The following OTUD7A variants were observed in gnomAD, a reference collection of about 807,000 sequenced individuals.
OTUD7A encodes the protein OTU deubiquitinase 7A, also known as OTU domain-containing protein 7A.
Under a neutral mutation model 65.7 loss-of-function variants are expected in OTUD7A, and 12 were observed. That is an observed-to-expected ratio of 0.18 (90% CI 0.12 to 0.30). The LOEUF (loss-of-function observed/expected upper bound fraction) is 0.30, where lower values mean the gene tolerates loss of function less well. OTUD7A is among the 10% of genes least tolerant of loss of function. The probability of loss-of-function intolerance (pLI) is 1.00; values close to 1 mark genes in which losing one functional copy is unlikely to be tolerated. For missense variants in OTUD7A, 1,148 were observed against 1,304.8 expected, an observed-to-expected ratio of 0.88 and a Z score of 1.85; for synonymous variants, 641 against 586.3, an observed-to-expected ratio of 1.09 and a Z score of -1.35.
rs552306491 is a variant in OTUD7A at position 31,623,652 on chromosome 15, G to C, written c.151+31444C>G. Among the ~76,000 whole-genome samples, 3 of 152,334 alleles carry C rather than the reference G, an allele frequency of 2.0e-5. No homozygotes were observed. The East Asian group carries it at 5.8e-4, about 29-fold the overall frequency. On this transcript the variant is annotated intron_variant, in intron 3 of 12. Coordinates refer to ENST00000307050, the MANE Select transcript of OTUD7A (RefSeq NM_001382637.1). ...GGGTGGGAGTGACCTGATTTTCCAG[G>C]TGCCATCTGTGACAGCTTTGCTTGT...
intron 3 of OTUD7A, among the ~76,000 whole-genome samples, chr15:31,604,752 A>C (rs547336472): frequency 1.2e-4 from 18 of 152,334 alleles, no homozygotes; most frequent in Middle Eastern, 3.4e-3. Flanking sequence ...TGTGGCTCCC[A>C]CTCAGGAGCC....
intron 1 of OTUD7A, among the ~76,000 whole-genome samples, chr15:31,659,326 C>T (rs1892091532): frequency 6.6e-6 from 1 of 152,086 alleles, no homozygotes; most frequent in Non-Finnish European, 1.5e-5. Flanking sequence ...ATGCTTTTAA[C>T]ATCTGTCTTA....
intron 3 of OTUD7A, among the ~76,000 whole-genome samples, chr15:31,644,542 C>G (rs1475799121): frequency 6.6e-6 from 1 of 152,142 alleles, no homozygotes; most frequent in Non-Finnish European, 1.5e-5. Flanking sequence ...GCAGTGTGAT[C>G]ATAGCTCACC....
intron 1 of OTUD7A, among the ~76,000 whole-genome samples, chr15:31,773,800 G>A (rs1895300521): frequency 1.3e-5 from 2 of 152,146 alleles, no homozygotes; most frequent in Non-Finnish European, 2.9e-5. Flanking sequence ...ACCAACAGAT[G>A]CTTATGTAAA....
At chr15:31,628,550 G>T (rs1942957851) in intron 3 of OTUD7A, among the ~76,000 whole-genome samples, 1 of 151,938 alleles carries the variant, frequency 6.6e-6, no homozygotes, top group African/African-American at 2.4e-5. Flanking sequence ...TTGTTCTTTT[G>T]GCTTAGGATT....
Position 31,487,449 on chromosome 15 carries a change from T to C in OTUD7A, c.1286+3A>G, listed in dbSNP as rs545363279. On this transcript the variant is annotated splice_donor_region_variant and intron_variant, in intron 11 of 12. Coordinates refer to ENST00000307050, the MANE Select transcript of OTUD7A (RefSeq NM_001382637.1). This position sits in a 1 kb window ranked among gnomAD's most constrained non-coding sequence, Gnocchi z 6.0. ...TGGGGAAAGGGACAGAGTAGGATCT[T>C]ACTGGGCCAGCCGGGCGTTATCGTT... is the stretch of plus-strand genomic sequence containing the variant. 1.2e-6 allele frequency: 2 copies of C among 1,613,606 alleles called. No homozygotes were observed. Among genetic ancestry groups the C allele is most frequent in the African/African-American group, 2.7e-5 (2 of 75,014 alleles).
intron 3 of OTUD7A, among the ~76,000 whole-genome samples, chr15:31,583,557 A>G (rs1889437428): frequency 1.3e-5 from 2 of 151,932 alleles, no homozygotes; most frequent in East Asian, 1.9e-4. Flanking sequence ...ATGGTAGTGA[A>G]TAAGTCTCAT....
intron 1 of OTUD7A, among the ~76,000 whole-genome samples, chr15:31,835,317 T>C (rs190799259): frequency 1.3e-5 from 2 of 152,372 alleles, no homozygotes; most frequent in East Asian, 3.9e-4. Flanking sequence ...AAGCATATGT[T>C]AAACCATTAT....
intron 3 of OTUD7A, among the ~76,000 whole-genome samples, chr15:31,623,797 A>C (rs1890873212): frequency 1.3e-5 from 2 of 152,188 alleles, no homozygotes; most frequent in Admixed American, 1.3e-4. Flanking sequence ...GACAAGCCCC[A>C]GTGAGATGAA....
chr15:31,857,841 G>C (rs1897616957), intron 1 of OTUD7A, among the ~76,000 whole-genome samples: 1 of 152,324 alleles, frequency 6.6e-6, no homozygotes, highest in South Asian at 2.1e-4. Context: ...TGAGACTGCA[G>C]CACTGAACCA....
intron 5 of OTUD7A, among the ~76,000 whole-genome samples, chr15:31,547,614 C>T (rs1287516281): frequency 6.6e-6 from 1 of 152,078 alleles, no homozygotes; most frequent in South Asian, 2.1e-4. Context: ...ATCTTACGAG[C>T]TCTGTTACAG....
At chr15:31,658,379 CCTTGG>C (rs1178262941) in intron 1 of OTUD7A, among the ~76,000 whole-genome samples, 10 of 152,172 alleles carry the variant, frequency 6.6e-5, no homozygotes, top group African/African-American at 2.4e-4. Flanking sequence ...ACCTCTAGTG[CCTTGG>C]CTTGGAATCA....
chr15:31,509,978 CCTCT>C (rs1241406586), intron 8 of OTUD7A, among the ~76,000 whole-genome samples: 1 of 146,338 alleles, frequency 6.8e-6, no homozygotes, highest in Non-Finnish European at 1.5e-5. Flanking sequence ...TTTTTCTCTC[CCTCT>C]CTGTCATTTT....
intron 8 of OTUD7A, among the ~76,000 whole-genome samples, chr15:31,520,627 A>G (rs1045651660): frequency 2.6e-5 from 4 of 152,252 alleles, no homozygotes; most frequent in Non-Finnish European, 5.9e-5. Flanking sequence ...AAGCAAATGT[A>G]ACAAAAACAA....
intron 10 of OTUD7A, among the ~76,000 whole-genome samples, chr15:31,490,899 G>A (rs1187343642): frequency 6.6e-6 from 1 of 152,094 alleles, no homozygotes; most frequent in African/African-American, 2.4e-5. Context: ...CTGTTACTCT[G>A]ATTAAGCATC....
intron 3 of OTUD7A, among the ~76,000 whole-genome samples, chr15:31,586,985 A>G (rs1235572559): frequency 1.3e-5 from 2 of 151,940 alleles, no homozygotes; most frequent in African/African-American, 2.4e-5. Context: ...CTAAATACTG[A>G]TGACTCCTGG....
intron 3 of OTUD7A, among the ~76,000 whole-genome samples, chr15:31,577,819 TA>T (rs36055987): frequency 0.037 from 5,272 of 141,150 alleles, 281 homozygotes; most frequent in African/African-American, 0.13. Flanking sequence ...TTGATTCCAG[TA>T]AAAAAAAAAA....
At chr15:31,520,154 G>A (rs1246014333) in intron 8 of OTUD7A, among the ~76,000 whole-genome samples, 3 of 151,834 alleles carry the variant, frequency 2.0e-5, no homozygotes, top group Non-Finnish European at 4.4e-5. Flanking sequence ...ATTTCATATG[G>A]AACTAAAAAG....
intron 1 of OTUD7A, among the ~76,000 whole-genome samples, chr15:31,858,984 A>G (rs1897649804): frequency 6.6e-6 from 1 of 152,242 alleles, no homozygotes; most frequent in Admixed American, 6.5e-5. Context: ...GAATGGGAAC[A>G]ACTTCCCTCC....
Sources: gnomAD v4.1 joint callset for allele counts (sites outside exome capture counted in the v4.1 genomes callset) on GRCh38, gnomAD v4.1.1 for gene constraint, Gnocchi (gnomAD v3.1) non-coding constraint, MANE v1.5 for transcripts, NCBI Gene and HGNC (gene_info 2026-07-23, HGNC 2026-07-21) for gene names.